SLC24A2: variants seen among roughly 807,000 people sequenced by gnomAD.
The protein encoded by SLC24A2 is sodium/potassium/calcium exchanger 2.
SLC24A2 carries 36 observed loss-of-function variants against 62.0 expected under a neutral mutation model. The ratio of observed to expected loss-of-function variants is 0.58; its 90% confidence interval spans 0.44 to 0.77. The LOEUF (loss-of-function observed/expected upper bound fraction) is 0.77, where lower values mean the gene tolerates loss of function less well. SLC24A2 is among the 30% of genes least tolerant of loss of function. The probability of loss-of-function intolerance (pLI) is 0.00; values close to 1 mark genes in which losing one functional copy is unlikely to be tolerated. For synonymous variants in SLC24A2, 358 were observed against 294.0 expected, an observed-to-expected ratio of 1.22 and a Z score of -2.23; for missense variants, 846 against 817.9, an observed-to-expected ratio of 1.03 and a Z score of -0.42.
the SLC24A2 span, among the ~76,000 whole-genome samples, chr9:20,071,548 C>T: frequency 2.6e-5 from 4 of 152,230 alleles, no homozygotes; most frequent in Non-Finnish European, 1.5e-5. Context: ...CAAAATGTGT[C>T]CATGTTCTAA....
At chr9:20,118,461 C>T in the SLC24A2 span, among the ~76,000 whole-genome samples, 1 of 152,048 alleles carries the variant, frequency 6.6e-6, no homozygotes, top group Non-Finnish European at 1.5e-5. Flanking sequence ...CTGACTGATG[C>T]TTGAGAGATA....
At chr9:19,893,331 T>A in the SLC24A2 span, among the ~76,000 whole-genome samples, 5 of 152,228 alleles carry the variant, frequency 3.3e-5, no homozygotes, top group Non-Finnish European at 7.3e-5. Flanking sequence ...TTCCCAAGGC[T>A]GAACCATATC....
the SLC24A2 span, among the ~76,000 whole-genome samples, chr9:19,799,886 C>T: frequency 6.6e-6 from 1 of 152,162 alleles, no homozygotes; most frequent in Admixed American, 6.5e-5. Context: ...CACTGAACAA[C>T]AGAAATTTAT....
intron 2 of SLC24A2, among the ~76,000 whole-genome samples, chr9:19,742,616 A>G (rs1211226957): frequency 6.6e-6 from 1 of 152,144 alleles, no homozygotes; most frequent in African/African-American, 2.4e-5. Flanking sequence ...TAAGTGTATA[A>G]TAAGTGGCAA....
At chr9:20,241,636 C>A in the SLC24A2 span, among the ~76,000 whole-genome samples, 2 of 152,030 alleles carry the variant, frequency 1.3e-5, no homozygotes, top group African/African-American at 4.8e-5. Context: ...CCTCAAGAAG[C>A]TTACAGCCTT....
the SLC24A2 span, among the ~76,000 whole-genome samples, chr9:19,835,528 A>G: frequency 1.3e-5 from 2 of 152,232 alleles, no homozygotes; most frequent in East Asian, 1.9e-4. Flanking sequence ...AGACCTAACT[A>G]TCCTAAATAT....
the SLC24A2 span, among the ~76,000 whole-genome samples, chr9:19,842,426 C>T: frequency 1.3e-5 from 2 of 152,262 alleles, no homozygotes; most frequent in East Asian, 3.9e-4. Context: ...AAAGAATGGG[C>T]TCTATTATAC....
the SLC24A2 span, among the ~76,000 whole-genome samples, chr9:19,914,955 T>C: frequency 2.6e-5 from 4 of 152,142 alleles, no homozygotes; most frequent in Non-Finnish European, 5.9e-5. Context: ...AAAAAAAAGA[T>C]TGATATAAAA....
the SLC24A2 span, among the ~76,000 whole-genome samples, chr9:19,959,494 G>A: frequency 6.6e-6 from 1 of 152,166 alleles, no homozygotes; most frequent in African/African-American, 2.4e-5. Context: ...ACCTTTAGCA[G>A]TGTCTATAAA....
chr9:19,987,569 C>T, the SLC24A2 span, among the ~76,000 whole-genome samples: 1 of 152,154 alleles, frequency 6.6e-6, no homozygotes, highest in African/African-American at 2.4e-5. Flanking sequence ...TACCAGGTTC[C>T]ACTTCACCAC....
intron 1 of SLC24A2, among the ~76,000 whole-genome samples, chr9:19,787,488 T>C (rs1228480719): frequency 6.6e-6 from 1 of 152,248 alleles, no homozygotes; most frequent in Non-Finnish European, 1.5e-5. Context: ...AATTACATAA[T>C]TCTCAGTTGT....
At chr9:19,968,656 A>C in the SLC24A2 span, among the ~76,000 whole-genome samples, 1 of 152,220 alleles carries the variant, frequency 6.6e-6, no homozygotes, top group African/African-American at 2.4e-5. Context: ...TAGAGAAGTT[A>C]AGGACTTCAC....
chr9:19,812,461 A>G, the SLC24A2 span, among the ~76,000 whole-genome samples: 1 of 152,144 alleles, frequency 6.6e-6, no homozygotes, highest in Non-Finnish European at 1.5e-5. Flanking sequence ...TAAACCCATG[A>G]TTTGAATTCT....
At chr9:19,840,634 G>A in the SLC24A2 span, among the ~76,000 whole-genome samples, 1 of 152,008 alleles carries the variant, frequency 6.6e-6, no homozygotes, top group Non-Finnish European at 1.5e-5. Context: ...TTTTCATTGA[G>A]GTAAAATTTA....
intron 6 of SLC24A2, 149 bp downstream of exon 6, chr9:19,576,775 A>G (rs1586986871): frequency 2.8e-6 from 2 of 716,336 alleles, no homozygotes; most frequent in East Asian, 5.2e-5. Flanking sequence ...CTAGGGCAAG[A>G]GGGACTCATT....
the SLC24A2 span, among the ~76,000 whole-genome samples, chr9:20,011,217 G>C: frequency 1.3e-5 from 2 of 152,080 alleles, no homozygotes; most frequent in Non-Finnish European, 2.9e-5. Context: ...CTAGTTTACA[G>C]TCCCACCAAC....
At chr9:19,721,283 G>C (rs951854612) in intron 2 of SLC24A2, among the ~76,000 whole-genome samples, 4 of 152,202 alleles carry the variant, frequency 2.6e-5, no homozygotes, top group South Asian at 2.1e-4. Context: ...TAGAGACCCA[G>C]AGCAAAATGA....
At chr9:19,825,084 T>G in the SLC24A2 span, among the ~76,000 whole-genome samples, 2 of 152,102 alleles carry the variant, frequency 1.3e-5, no homozygotes, top group African/African-American at 4.8e-5. Flanking sequence ...GCTTAAAACC[T>G]AGATGATGGA....
chr9:20,098,743 G>T, the SLC24A2 span, among the ~76,000 whole-genome samples: 1 of 152,194 alleles, frequency 6.6e-6, no homozygotes, highest in African/African-American at 2.4e-5. Context: ...TGTTTCACTT[G>T]TGACTGTCTC....
Sources: gnomAD v4.1 joint callset for allele counts (sites outside exome capture counted in the v4.1 genomes callset) on GRCh38, gnomAD v4.1.1 for gene constraint, MANE v1.5 for transcripts, NCBI Gene and HGNC (gene_info 2026-07-23, HGNC 2026-07-21) for gene names.